BRD8: variants seen among roughly 807,000 people sequenced by gnomAD.
The protein encoded by BRD8 is bromodomain containing 8, also known as bromodomain-containing protein 8.
Under a neutral mutation model 143.1 loss-of-function variants are expected in BRD8, and 67 were observed. The observed-to-expected ratio is 0.47, with a 90% CI of 0.38 to 0.57. The LOEUF (loss-of-function observed/expected upper bound fraction) is 0.57. Ranked by LOEUF, BRD8 falls within the 20% of genes least tolerant of loss-of-function variation. BRD8 has a pLI of 0.00. For synonymous variants in BRD8, 505 were observed against 517.1 expected, an observed-to-expected ratio of 0.98 and a Z score of 0.32; for missense variants, 1,103 against 1,503.0, an observed-to-expected ratio of 0.73 and a Z score of 4.40.
chr5:138,156,200 C>T (rs568353473), intron 20 of BRD8, among the ~76,000 whole-genome samples: 7 of 150,942 alleles, frequency 4.6e-5, no homozygotes, highest in African/African-American at 7.3e-5. Flanking sequence ...AGTGCAGTGA[C>T]GCGATCTCAG....
rs1042546567 is a variant in BRD8, at chr5:138,157,343, G to T, written c.2577+2212C>A. ...GAGACGGTGCAACAGAAAAGTTGGGGATTTGGTTTCTTGGGGGAGAGGGAA... is the reference window on the plus strand; with the variant it reads ...GAGACGGTGCAACAGAAAAGTTGGGTATTTGGTTTCTTGGGGGAGAGGGAA... On this transcript the variant is annotated intron_variant, in intron 20 of 26. Transcript: ENST00000254900. 4 of 1,589,782 alleles carry T rather than the reference G, an allele frequency of 2.5e-6. No individual in the cohort carries two copies. The South Asian group carries it at 3.3e-5, about 13-fold the overall frequency.
chr5:138,159,511 A>C (rs1463549616), intron 20 of BRD8, 44 bp downstream of exon 20: 7 of 1,603,414 alleles, frequency 4.4e-6, no homozygotes, highest in Middle Eastern at 3.3e-4. Context: ...AAGAGCTGAG[A>C]ATCTTTGTGG....
intron 1 of BRD8, among the ~76,000 whole-genome samples, chr5:138,178,325 G>C (rs969492335): frequency 6.6e-6 from 1 of 152,136 alleles, no homozygotes; most frequent in African/African-American, 2.4e-5. Flanking sequence ...CAAGTTTCTA[G>C]AGTGCTTTTA....
At position 138,163,246 on chromosome 5, in the gene BRD8, T is replaced by C. The variant is rs573982006; in HGVS notation, c.1971A>G (p.Glu657=). The change falls in exon 15 of 27, where the codon GAA becomes GAG. Residue 657 remains glutamate, a synonymous_variant. Coordinates refer to ENST00000254900, the MANE Select transcript of BRD8 (RefSeq NM_139199.2). ...CGCTCACAGGAGGTTCATTATCCAT[T>C]TCTGACAAGTAGCCTTCTCCTTGAT... ...EEDQGEGYLS[E]MDNEPPVSES... The C allele has an allele frequency of 1.2e-6, 2 of 1,614,174 alleles. No homozygotes were observed. Among genetic ancestry groups the C allele is most frequent in the Admixed American group, 3.3e-5 (2 of 60,012 alleles).
At chr5:138,140,337 G>A (rs898398490) in intron 26 of BRD8, among the ~76,000 whole-genome samples, 171 bp from the exon 27 acceptor site, 1 of 152,214 alleles carries the variant, frequency 6.6e-6, no homozygotes, top group African/African-American at 2.4e-5. Context: ...ATCCCCTAAA[G>A]ATGGGAAAGT....
intron 20 of BRD8, chr5:138,157,044 A>G (rs1169031960): frequency 4.1e-6 from 6 of 1,477,268 alleles, no homozygotes; most frequent in Non-Finnish European, 5.3e-6. Flanking sequence ...AAAACAGGCA[A>G]TTGTGCTACT....
At chr5:138,174,459 G>T (rs1456958802) in intron 2 of BRD8, among the ~76,000 whole-genome samples, 2 of 151,980 alleles carry the variant, frequency 1.3e-5, no homozygotes, top group Non-Finnish European at 2.9e-5. Flanking sequence ...AGCCAGGCAT[G>T]GTGGCAAAGG....
At chr5:138,147,674 T>G (rs900746785) in intron 23 of BRD8, among the ~76,000 whole-genome samples, 2 of 152,092 alleles carry the variant, frequency 1.3e-5, no homozygotes, top group Non-Finnish European at 2.9e-5. Context: ...CAGTAGTTCA[T>G]GCCTATAATC....
At chr5:138,170,790 T>G in intron 6 of BRD8, 42 bp downstream of exon 6, 2 of 1,545,028 alleles carry the variant, frequency 1.3e-6, no homozygotes, top group South Asian at 2.2e-5. Context: ...GAAAAGAGGG[T>G]AAAAAGAAAG....
chr5:138,169,104 T>C lies in BRD8; in HGVS notation c.642+118A>G. Reference sequence around the variant, plus strand: ...CACAGAACATGGTAAATTAAGTCTTTAGCATTCAGATCAAGAGAGGAAGTT... The same window carrying C: ...CACAGAACATGGTAAATTAAGTCTTCAGCATTCAGATCAAGAGAGGAAGTT... On this transcript the variant is annotated intron_variant, in intron 8 of 26. Coordinates refer to ENST00000254900, the MANE Select transcript of BRD8 (RefSeq NM_139199.2). The C allele has an allele frequency of 3.6e-6, 4 of 1,101,942 alleles. No homozygotes were observed. In the South Asian group the frequency reaches 6.7e-5, roughly 18 times the overall value. The allele number at this position is 1,101,942 out of a possible 1,614,324, so 68.3% of individuals were successfully genotyped here.
At chr5:138,146,969 CAAAA>C (rs60597015) in intron 23 of BRD8, among the ~76,000 whole-genome samples, 5 of 49,050 alleles carry the variant, frequency 1.0e-4, no homozygotes, top group African/African-American at 2.8e-4. Flanking sequence ...AACTCCGTCT[CAAAA>C]AAAAAAAAAA....
chr5:138,166,644 C>CA lies in BRD8; in HGVS notation c.870dup (p.Glu291Ter). On this transcript the variant is annotated frameshift_variant, in exon 10 of 27. Transcript: ENST00000254900. LOFTEE classifies it high-confidence loss of function. ...GGTGGCACAAGTTTAACTGGAGGCT[C>CA]ACTGGCAACAGTAGTGAAGGAAGCA... is the stretch of plus-strand genomic sequence containing the variant. 6.2e-7 allele frequency: 1 copy of CA among 1,613,838 alleles called. No individual in the cohort carries two copies. Among genetic ancestry groups the CA allele is most frequent in the Non-Finnish European group, 8.5e-7 (1 of 1,179,802 alleles).
Position 138,165,916 on chromosome 5 carries a change from G to A in BRD8, c.1190C>T (p.Ala397Val), listed in dbSNP as rs530640326. ...AGACACAGCAATATCCATCTTCTCAGCCAGATCTAATTCTTCCTTCCCATC... is the reference window on the plus strand; with the variant it reads ...AGACACAGCAATATCCATCTTCTCAACCAGATCTAATTCTTCCTTCCCATC... ...SIDGKEELDL[A>V]EKMDIAVSYT... The change falls in exon 11 of 27, where the codon GCT (alanine) becomes GTT (valine). Residue 397 changes from alanine (A) to valine (V), a missense_variant. Coordinates refer to ENST00000254900, the MANE Select transcript of BRD8 (RefSeq NM_139199.2). The A allele has an allele frequency of 6.2e-7, 1 of 1,614,156 alleles. No homozygotes were observed. The highest frequency in any genetic ancestry group is 1.1e-5 in the South Asian group (1 of 91,080).
chr5:138,156,825 T>TACACACACACACACACACACACACACAC (rs67288912), intron 20 of BRD8: 1 of 753,650 alleles, frequency 1.3e-6, no homozygotes, highest in African/African-American at 2.1e-5. Context: ...AAGTTTCAAA[T>TACACACACACACACACACACACACACAC]ACACACACAC....
intron 2 of BRD8, among the ~76,000 whole-genome samples, chr5:138,172,525 A>G (rs1292127134): frequency 7.1e-6 from 1 of 141,104 alleles, no homozygotes; most frequent in Non-Finnish European, 1.5e-5. Flanking sequence ...CCATCTCAAA[A>G]AAAAAAAAAA....
rs552838975 is a variant in BRD8 at position 138,176,444 on chromosome 5, C to T, written c.116+1127G>A. Among the ~76,000 whole-genome samples, 12 of 152,190 alleles carry T rather than the reference C, an allele frequency of 7.9e-5. No homozygotes were observed. The East Asian group carries it at 2.3e-3, about 29-fold the overall frequency. On this transcript the variant is annotated intron_variant, in intron 2 of 26. Transcript: ENST00000254900. ...AAAATTAGCCAGGCCACTCGTGGCG[C>T]ATGGCTGTAATCCCAGCTACTTGGG... is the stretch of plus-strand genomic sequence containing the variant.
chr5:138,140,245 T>G (rs1751848070), intron 26 of BRD8, 79 bp from the exon 27 acceptor site: 1 of 1,033,892 alleles, frequency 9.7e-7, no homozygotes, highest in Non-Finnish European at 1.5e-6. Flanking sequence ...TTTTGGCAAA[T>G]AGACTCAACT....
intron 1 of BRD8, 90 bp from the exon 2 acceptor site, chr5:138,177,757 G>T: frequency 1.4e-6 from 1 of 735,768 alleles, no homozygotes; most frequent in Non-Finnish European, 2.3e-6. Context: ...AGGACTAAAA[G>T]CCTAATACAA....
chr5:138,155,619 A>G (rs970410386), intron 20 of BRD8, among the ~76,000 whole-genome samples: 5 of 145,118 alleles, frequency 3.4e-5, no homozygotes, highest in Admixed American at 2.7e-4. Flanking sequence ...TGCAGCCTCA[A>G]CCGGCCAGGG....
Sources: gnomAD v4.1 joint callset for allele counts (sites outside exome capture counted in the v4.1 genomes callset) on GRCh38, gnomAD v4.1.1 for gene constraint, MANE v1.5 for transcripts, NCBI Gene and HGNC (gene_info 2026-07-23, HGNC 2026-07-21) for gene names.